HECW1: variants seen among roughly 807,000 people sequenced by gnomAD.
The protein encoded by HECW1 is HECT, C2 and WW domain containing E3 ubiquitin protein ligase 1.
In HECW1, 61 loss-of-function variants were observed where a neutral mutation model predicts 182.3. That is an observed-to-expected ratio of 0.33 (90% confidence interval 0.27 to 0.41). The LOEUF (loss-of-function observed/expected upper bound fraction) is 0.41. Ranked by LOEUF, HECW1 falls within the 10% of genes least tolerant of loss-of-function variation. HECW1 has a pLI of 1.00. For synonymous variants in HECW1, 859 were observed against 832.6 expected, an observed-to-expected ratio of 1.03 and a Z score of -0.55; for missense variants, 1,739 against 2,108.9, an observed-to-expected ratio of 0.82 and a Z score of 3.44.
intron 5 of HECW1, among the ~76,000 whole-genome samples, chr7:43,323,218 C>G (rs1346711752): frequency 6.6e-6 from 1 of 152,172 alleles, no homozygotes; most frequent in Non-Finnish European, 1.5e-5. Flanking sequence ...ATATATAGAA[C>G]ATTTCTTGTA....
At chr7:43,534,438 G>A (rs75829822) in intron 24 of HECW1, among the ~76,000 whole-genome samples, 2,086 of 152,316 alleles carry the variant, frequency 0.014, 45 homozygotes, top group African/African-American at 0.047. Context: ...GGGAGAGAAG[G>A]AAGGGAGAGG....
chr7:43,442,799 G>A (rs142727764), intron 10 of HECW1, among the ~76,000 whole-genome samples, 170 bp downstream of exon 10: 27 of 152,328 alleles, frequency 1.8e-4, no homozygotes, highest in Admixed American at 4.6e-4. Flanking sequence ...CCAGGTTGCT[G>A]TCCCCCTGAT....
intron 8 of HECW1, among the ~76,000 whole-genome samples, chr7:43,437,139 C>A (rs1040825731): frequency 6.6e-6 from 1 of 152,226 alleles, no homozygotes; most frequent in Non-Finnish European, 1.5e-5. Context: ...CCCCTCTAGA[C>A]ATTTTCTCTG....
At chr7:43,481,274 A>C (rs2078425677) in intron 17 of HECW1, among the ~76,000 whole-genome samples, 1 of 152,182 alleles carries the variant, frequency 6.6e-6, no homozygotes, top group Non-Finnish European at 1.5e-5. Flanking sequence ...GGTTGTCTTG[A>C]GATTATAGGG....
chr7:43,542,066 G>A, intron 26 of HECW1, 68 bp downstream of exon 26: 1 of 1,308,156 alleles, frequency 7.6e-7, no homozygotes. Flanking sequence ...ATAACATAAA[G>A]TTATCATCTT....
At chr7:43,303,838 G>A (rs776326872) in intron 3 of HECW1, among the ~76,000 whole-genome samples, 3 of 151,938 alleles carry the variant, frequency 2.0e-5, no homozygotes, top group South Asian at 2.1e-4. Context: ...CCCTACACCC[G>A]CCCCTGTCCC....
intron 2 of HECW1, among the ~76,000 whole-genome samples, chr7:43,217,928 G>A (rs1367553474): frequency 1.3e-5 from 2 of 152,050 alleles, no homozygotes; most frequent in South Asian, 2.1e-4. Context: ...ACCAGCACCC[G>A]ATCCTTCTGG....
At chr7:43,292,815 A>G (rs1805562356) in intron 3 of HECW1, among the ~76,000 whole-genome samples, 1 of 152,220 alleles carries the variant, frequency 6.6e-6, no homozygotes, top group Admixed American at 6.5e-5. Context: ...AAATCTGGAT[A>G]TGTCACTAGT....
chr7:43,522,997 CTTGTTTGTTTGT>C, intron 24 of HECW1: 1 of 437,896 alleles, frequency 2.3e-6, no homozygotes, highest in Non-Finnish European at 4.5e-6. Flanking sequence ...GGTAGTTCTG[CTTGTTTGTTTGT>C]TTGTTTGTTT....
chr7:43,138,747 C>G (rs1787839873), intron 2 of HECW1, among the ~76,000 whole-genome samples: 2 of 152,106 alleles, frequency 1.3e-5, no homozygotes, highest in African/African-American at 4.8e-5. Flanking sequence ...CGGAGTATTC[C>G]AAAGCGCTTT....
At chr7:43,234,411 G>A (rs1798130011) in intron 2 of HECW1, among the ~76,000 whole-genome samples, 1 of 152,020 alleles carries the variant, frequency 6.6e-6, no homozygotes, top group Admixed American at 6.5e-5. Flanking sequence ...ACACAACCCG[G>A]CCCCTTGTGA....
Position 43,552,245 on chromosome 7 carries a change from C to T in HECW1, c.4419C>T (p.Ser1473=), listed in dbSNP as rs767270126. Reference sequence around the variant, plus strand: ...AGGTTGTAGACTCGAGGCTGGTGTCCGTGTTTGATGCCAGGGAGCTGGAGC... The same window carrying T: ...AGGTTGTAGACTCGAGGCTGGTGTCTGTGTTTGATGCCAGGGAGCTGGAGC... The part of the protein sequence containing the change: ...FYEVVDSRLV[S]VFDARELELV... Residue 1473 remains serine, a synonymous_variant, in exon 28 of 30, where the codon TCC becomes TCT. Transcript: ENST00000395891. The T allele has an allele frequency of 6.8e-6, 11 of 1,613,594 alleles. No individual in the cohort carries two copies. Among genetic ancestry groups the T allele is most frequent in the Admixed American group, 1.7e-5 (1 of 60,002 alleles).
chr7:43,157,347 A>G (rs1789995949), intron 2 of HECW1, among the ~76,000 whole-genome samples: 1 of 152,198 alleles, frequency 6.6e-6, no homozygotes, highest in African/African-American at 2.4e-5. Flanking sequence ...CTCTGGCTGC[A>G]TTATTCAAGA....
Position 43,114,269 on chromosome 7 carries a change from A to T in HECW1, c.-154A>T, listed in dbSNP as rs187321344. On this transcript the variant is annotated 5_prime_UTR_variant, in exon 2 of 30. The change abolishes an upstream ATG in the 5' untranslated region. Transcript: ENST00000395891. ...ATTTAAACGCGATTTAGGAGGGCAG[A>T]TGCCCTACCCGAAAAGGCCAACCGT... 70 of 1,364,154 alleles carry T rather than the reference A, an allele frequency of 5.1e-5. No homozygotes were observed. In the East Asian group the frequency reaches 2.1e-3, roughly 41 times the overall value. 84.5% of individuals were successfully genotyped at this position (1,364,154 alleles called of 1,614,324 possible). A position where few individuals can be genotyped will look rare whatever the true frequency, so the allele number is the denominator to read the frequency against.
At chr7:43,504,166 C>T (rs2079482568) in intron 21 of HECW1, among the ~76,000 whole-genome samples, 1 of 152,234 alleles carries the variant, frequency 6.6e-6, no homozygotes, top group South Asian at 2.1e-4. Flanking sequence ...TTCCGTCCTC[C>T]TGGATGACTT....
intron 7 of HECW1, among the ~76,000 whole-genome samples, 177 bp from the exon 8 acceptor site, chr7:43,407,385 A>G (rs1249830288): frequency 6.6e-6 from 1 of 151,660 alleles, no homozygotes; most frequent in Non-Finnish European, 1.5e-5. Flanking sequence ...TCCCTGTGCT[A>G]CCCACGTTTC....
intron 17 of HECW1, among the ~76,000 whole-genome samples, chr7:43,486,082 C>G (rs958083165): frequency 6.6e-6 from 1 of 151,856 alleles, no homozygotes; most frequent in Non-Finnish European, 1.5e-5. Flanking sequence ...TTGTTCAACT[C>G]CCACTTATGA....
intron 16 of HECW1, among the ~76,000 whole-genome samples, chr7:43,477,439 G>A (rs544944818): frequency 6.6e-6 from 1 of 152,056 alleles, no homozygotes; most frequent in East Asian, 1.9e-4. Flanking sequence ...ATATTTGTTA[G>A]GTTAGCTTAC....
intron 4 of HECW1, among the ~76,000 whole-genome samples, chr7:43,312,809 G>A (rs562028183): frequency 6.6e-6 from 1 of 152,330 alleles, no homozygotes; most frequent in Admixed American, 6.5e-5. Context: ...AATGAAAAAT[G>A]TATTTCATCT....
Sources: allele counts gnomAD v4.1 joint callset (sites outside exome capture counted in the v4.1 genomes callset), GRCh38; gene constraint gnomAD v4.1.1; transcripts MANE v1.5; gene names NCBI Gene and HGNC (gene_info 2026-07-23, HGNC 2026-07-21).